The following APLF variants were observed in gnomAD, a reference collection of about 807,000 sequenced individuals.
The protein encoded by APLF is aprataxin and PNKP like factor.
Under a neutral mutation model 55.6 loss-of-function variants are expected in APLF, and 61 were observed. The observed-to-expected ratio is 1.10, with a 90% CI of 0.89 to 1.36. The LOEUF (loss-of-function observed/expected upper bound fraction) is 1.36. APLF is among the 40% of genes most tolerant of loss of function. APLF has a pLI of 0.00. For synonymous variants in APLF, 207 were observed against 214.8 expected (o/e 0.96, Z 0.32); for missense variants, 611 against 602.5 (o/e 1.01, Z -0.15).
intron 5 of APLF, among the ~76,000 whole-genome samples, chr2:68,518,722 CATT>C (rs1456794944): frequency 1.7e-5 from 2 of 115,652 alleles, no homozygotes; most frequent in Admixed American, 9.7e-5. Context: ...AATAATATAT[CATT>C]AATATATCAT....
At chr2:68,502,636 C>T in intron 2 of APLF, 95 bp from the exon 3 acceptor site, 1 of 824,188 alleles carries the variant, frequency 1.2e-6, no homozygotes, top group East Asian at 3.4e-5. Flanking sequence ...ATTATGAATT[C>T]ATATTTAATT....
At chr2:68,513,329 C>G in intron 4 of APLF, 102 bp downstream of exon 4, 2 of 1,363,610 alleles carry the variant, frequency 1.5e-6, no homozygotes, top group South Asian at 1.5e-5. Flanking sequence ...ATATTGCCAG[C>G]ATTTATCTAC....
chr2:68,522,486 T>C (rs532282601), intron 5 of APLF, among the ~76,000 whole-genome samples: 2 of 152,028 alleles, frequency 1.3e-5, no homozygotes, highest in East Asian at 3.9e-4. Flanking sequence ...GTCCGTATTT[T>C]TCTTTATGTA....
intron 1 of APLF, among the ~76,000 whole-genome samples, chr2:68,468,319 C>A (rs1268366888): frequency 1.3e-5 from 2 of 152,136 alleles, no homozygotes; most frequent in Non-Finnish European, 2.9e-5. Flanking sequence ...AACCTTTGGT[C>A]TCCTTTGCAG....
At chr2:68,483,610 A>G (rs537638339) in intron 1 of APLF, among the ~76,000 whole-genome samples, 2 of 152,170 alleles carry the variant, frequency 1.3e-5, no homozygotes, top group Non-Finnish European at 2.9e-5. Context: ...GATAATTTTT[A>G]TAAAATTAAA....
At chr2:68,482,889 C>T (rs1196056775) in intron 1 of APLF, among the ~76,000 whole-genome samples, 5 of 151,974 alleles carry the variant, frequency 3.3e-5, no homozygotes, top group African/African-American at 1.2e-4. Flanking sequence ...GAAGTGCGTA[C>T]CAGGGGTGGG....
At chr2:68,517,025 AT>A (rs372781850) in intron 5 of APLF, among the ~76,000 whole-genome samples, 3,153 of 104,732 alleles carry the variant, frequency 0.03, 50 homozygotes, top group Middle Eastern at 0.054. Context: ...ATAATAATAT[AT>A]TAATATATAA....
intron 7 of APLF, among the ~76,000 whole-genome samples, chr2:68,542,771 A>G (rs1436103726): frequency 1.3e-5 from 2 of 152,186 alleles, no homozygotes; most frequent in Admixed American, 6.5e-5. Context: ...AAAATTAAAG[A>G]TAGAATTACC....
chr2:68,513,346 T>C, intron 4 of APLF, 119 bp downstream of exon 4: 2 of 1,317,538 alleles, frequency 1.5e-6, no homozygotes, highest in African/African-American at 1.5e-5. Flanking sequence ...CTACTTTTGC[T>C]GATTTTAAGT....
At chr2:68,517,071 A>G (rs1669613112) in intron 5 of APLF, among the ~76,000 whole-genome samples, 1 of 124,424 alleles carries the variant, frequency 8.0e-6, no homozygotes, top group African/African-American at 3.2e-5. Flanking sequence ...ATAACATGTT[A>G]ATATATAATA....
chr2:68,530,155 G>A (rs1233963249), intron 6 of APLF, among the ~76,000 whole-genome samples: 2 of 152,256 alleles, frequency 1.3e-5, no homozygotes, highest in Non-Finnish European at 2.9e-5. Flanking sequence ...TCATGGCCCA[G>A]CCAGGCTTTG....
chr2:68,488,357 G>T (rs1433209547), intron 1 of APLF, among the ~76,000 whole-genome samples: 3 of 147,604 alleles, frequency 2.0e-5, no homozygotes, highest in Admixed American at 1.3e-4. Flanking sequence ...TTGAGGCAGG[G>T]TCTCACCGTG....
intron 1 of APLF, among the ~76,000 whole-genome samples, chr2:68,478,466 G>A (rs755116713): frequency 2.0e-5 from 3 of 152,114 alleles, no homozygotes; most frequent in Non-Finnish European, 4.4e-5. Context: ...TCAAGAAAAA[G>A]CAAAGCCATT....
chr2:68,510,533 G>C (rs1450694837), intron 3 of APLF, among the ~76,000 whole-genome samples: 2 of 151,760 alleles, frequency 1.3e-5, no homozygotes, highest in Admixed American at 1.3e-4. Context: ...AACAAGTGTT[G>C]GTGAGGTTGT....
In APLF at chr2:68,531,754, G is replaced by C. The variant is rs181621683; in HGVS notation, c.804+5512G>C. 3.9e-5 allele frequency among the ~76,000 whole-genome samples: 6 copies of C among 152,278 alleles called. No homozygotes were observed. The East Asian group carries it at 1.2e-3, about 29-fold the overall frequency. On this transcript the variant is annotated intron_variant, in intron 6 of 9. Transcript: ENST00000303795. ...TATTGTGTTCAGAAGAAAATCTGTA[G>C]TATACGTGTTTTCCTCTGTTTATCC...
At chr2:68,536,964 C>A (rs112873952) in intron 6 of APLF, among the ~76,000 whole-genome samples, 1 of 151,978 alleles carries the variant, frequency 6.6e-6, no homozygotes, top group Non-Finnish European at 1.5e-5. Context: ...GTCAGGAGTT[C>A]GAGACCAGCT....
chr2:68,551,411 T>A (rs1670856099), intron 8 of APLF, among the ~76,000 whole-genome samples: 2 of 152,116 alleles, frequency 1.3e-5, no homozygotes, highest in Admixed American at 1.3e-4. Flanking sequence ...ACTGCTTGGC[T>A]ATTATCTCAT....
At chr2:68,577,437 A>G (rs983932041) in intron 9 of APLF, among the ~76,000 whole-genome samples, 2 of 152,154 alleles carry the variant, frequency 1.3e-5, no homozygotes, top group African/African-American at 2.4e-5. Context: ...AGTGACACAC[A>G]CTATTTCCAC....
intron 1 of APLF, among the ~76,000 whole-genome samples, chr2:68,475,881 T>TTATATATATATATATATATA (rs141693033): frequency 2.7e-5 from 4 of 148,738 alleles, no homozygotes; most frequent in African/African-American, 9.9e-5. Flanking sequence ...TTTAAGTCTT[T>TTATATATATATATATATATA]TATATATATA....
Sources: allele counts gnomAD v4.1 joint callset (sites outside exome capture counted in the v4.1 genomes callset), GRCh38; gene constraint gnomAD v4.1.1; transcripts MANE v1.5; gene names NCBI Gene and HGNC (gene_info 2026-07-23, HGNC 2026-07-21).